The following LUC7L variants were observed in gnomAD, a reference collection of about 807,000 sequenced individuals.
The protein encoded by LUC7L is putative RNA-binding protein Luc7-like 1.
A neutral mutation model predicts 51.1 loss-of-function variants in LUC7L; 29 were observed. The observed-to-expected ratio is 0.57, with a 90% confidence interval of 0.42 to 0.77. The LOEUF is 0.77. LUC7L is among the 30% of genes least tolerant of loss of function. The pLI is 0.00. For missense variants in LUC7L, 403 were observed against 511.9 expected (o/e 0.79, Z 2.05); for synonymous variants, 181 against 180.7 (o/e 1.00, Z -0.01).
At chr16:203,859 A>AGGTATGGTGG in intron 5 of LUC7L, among the ~76,000 whole-genome samples, 1 of 152,056 alleles carries the variant, frequency 6.6e-6, no homozygotes, top group Admixed American at 6.6e-5. Flanking sequence ...TACTAAAAAC[A>AGGTATGGTGG]CAAAAAATTA....
At chr16:190,608 G>A (rs1567170739) in intron 7 of LUC7L, 38 bp from the exon 8 acceptor site, 1 of 1,604,236 alleles carries the variant, frequency 6.2e-7, no homozygotes, top group East Asian at 2.2e-5. Flanking sequence ...GGCCAGGCAT[G>A]GTGGCTCACA....
chr16:205,396 C>G (rs1209624304), intron 5 of LUC7L, among the ~76,000 whole-genome samples: 3 of 152,090 alleles, frequency 2.0e-5, no homozygotes, highest in Non-Finnish European at 4.4e-5. Flanking sequence ...GACTAGTATC[C>G]TCATATATTT....
At chr16:193,297 C>T (rs556874960) in intron 6 of LUC7L, among the ~76,000 whole-genome samples, 38 of 151,734 alleles carry the variant, frequency 2.5e-4, no homozygotes, top group African/African-American at 9.0e-4. Context: ...CAGGCACATG[C>T]CACCACACCC....
At chr16:228,699 A>T in intron 1 of LUC7L, 1 of 1,206,768 alleles carries the variant, frequency 8.3e-7, no homozygotes, top group Non-Finnish European at 1.1e-6. Flanking sequence ...AGTACAACCT[A>T]CCTAACGACT....
intron 3 of LUC7L, among the ~76,000 whole-genome samples, chr16:217,630 C>A (rs1177230390): frequency 1.3e-5 from 2 of 151,300 alleles, no homozygotes; most frequent in Admixed American, 1.3e-4. Context: ...TCGCTTGAAA[C>A]CAGGAGGCAG....
At chr16:192,502 C>CTTTTTT (rs398058029) in intron 7 of LUC7L, among the ~76,000 whole-genome samples, 10 of 125,624 alleles carry the variant, frequency 8.0e-5, no homozygotes, top group East Asian at 2.3e-4. Flanking sequence ...ATGCTGTTTA[C>CTTTTTT]TTTTTTTTTT....
intron 2 of LUC7L, among the ~76,000 whole-genome samples, chr16:226,523 T>C (rs1298508993): frequency 6.6e-6 from 1 of 152,212 alleles, no homozygotes. Flanking sequence ...CTATATTCAT[T>C]AGATAGCATG....
At chr16:189,577 C>A in intron 9 of LUC7L, 1 of 1,373,204 alleles carries the variant, frequency 7.3e-7, no homozygotes, top group East Asian at 2.6e-5. Flanking sequence ...ATAAACAGTG[C>A]AAAGGAGAAT....
Position 189,341 on chromosome 16 carries a change from T to G in LUC7L, c.975-2A>C. The G allele has an allele frequency of 6.2e-7, 1 of 1,605,774 alleles. No individual in the cohort carries two copies. The highest frequency in any genetic ancestry group is 8.5e-7 in the Non-Finnish European group (1 of 1,176,544). Reference sequence around the variant, plus strand: ...CTGGATGCCCGCTCTCTGGAGAACCTGGGAAATGGGAACCAGAGGCTCAGT... The same window carrying G: ...CTGGATGCCCGCTCTCTGGAGAACCGGGGAAATGGGAACCAGAGGCTCAGT... On this transcript the variant is annotated splice_acceptor_variant, in intron 9 of 9. Coordinates refer to ENST00000293872, the MANE Select transcript of LUC7L (RefSeq NM_201412.3). LOFTEE classifies it high-confidence loss of function.
At chr16:222,733 C>T (rs111859984) in intron 2 of LUC7L, among the ~76,000 whole-genome samples, 144 of 150,970 alleles carry the variant, frequency 9.5e-4, no homozygotes, top group African/African-American at 3.3e-3. Context: ...CAGGTTCAAG[C>T]GATTCTCCTG....
intron 2 of LUC7L, among the ~76,000 whole-genome samples, chr16:221,186 A>ATTTTTTTTTTTTTTTTTTTTTT: frequency 9.9e-6 from 1 of 101,260 alleles, no homozygotes; most frequent in Non-Finnish European, 1.9e-5. Context: ...CACCCAGCTA[A>ATTTTTTTTTTTTTTTTTTTTTT]TTTTTTTTTT....
At chr16:229,216 C>G in intron 1 of LUC7L, 63 bp downstream of exon 1, 4 of 1,510,334 alleles carry the variant, frequency 2.6e-6, no homozygotes, top group Non-Finnish European at 3.5e-6. Flanking sequence ...CCGCCTCAGG[C>G]CGCCCGGCGG....
intron 3 of LUC7L, chr16:209,766 T>C (rs566340562): frequency 2.0e-5 from 3 of 152,178 alleles, no homozygotes; most frequent in Non-Finnish European, 2.9e-5. Flanking sequence ...GTAGGTCAGC[T>C]GTAATAAACT....
chr16:216,578 G>C (rs2049807980), intron 3 of LUC7L, among the ~76,000 whole-genome samples: 1 of 150,990 alleles, frequency 6.6e-6, no homozygotes, highest in Non-Finnish European at 1.5e-5. Context: ...ACACGGTGTT[G>C]TACTATTTGG....
chr16:196,430 A>AC (rs1212451559), intron 6 of LUC7L, among the ~76,000 whole-genome samples: 6 of 152,126 alleles, frequency 3.9e-5, no homozygotes, highest in African/African-American at 7.2e-5. Flanking sequence ...AAACAAACAA[A>AC]AAAAACCCAA....
intron 3 of LUC7L, among the ~76,000 whole-genome samples, chr16:210,963 A>G (rs2049622065): frequency 1.3e-5 from 2 of 151,318 alleles, no homozygotes. Context: ...AGGCAGGACA[A>G]TGGCATGAAC....
chr16:229,024 C>G (rs749351486), intron 1 of LUC7L: 1 of 1,452,852 alleles, frequency 6.9e-7, no homozygotes, highest in African/African-American at 1.4e-5. Flanking sequence ...AGTAGCAGGA[C>G]GGTACATAGG....
intron 5 of LUC7L, among the ~76,000 whole-genome samples, chr16:200,145 G>A (rs927262281): frequency 3.3e-5 from 5 of 151,934 alleles, no homozygotes; most frequent in African/African-American, 7.2e-5. Context: ...AAAATTGGCC[G>A]GGCGCGGTGG....
Position 229,442 on chromosome 16 carries a change from G to C in LUC7L, c.-103C>G. On this transcript the variant is annotated 5_prime_UTR_variant, in exon 1 of 10. Transcript: ENST00000293872. ...GGTCGCGTCGGCCTCGAGCCCACTC[G>C]GCTCTTTCCCGCCGCGGGGGACGCC... The C allele has an allele frequency of 9.5e-7, 1 of 1,055,366 alleles. No homozygotes were observed. The highest frequency in any genetic ancestry group is 1.3e-6 in the Non-Finnish European group (1 of 779,142). 65.4% of individuals were successfully genotyped at this position (1,055,366 alleles called of 1,614,324 possible).
Sources: gnomAD v4.1 joint callset for allele counts (sites outside exome capture counted in the v4.1 genomes callset) on GRCh38, gnomAD v4.1.1 for gene constraint, MANE v1.5 for transcripts, NCBI Gene and HGNC (gene_info 2026-07-23, HGNC 2026-07-21) for gene names.